TTC28: variants seen among roughly 807,000 people sequenced by gnomAD.
TTC28 encodes the protein tetratricopeptide repeat protein 28.
A neutral mutation model predicts 198.0 loss-of-function variants in TTC28; 61 were observed. The observed-to-expected ratio is 0.31, with a 90% CI of 0.25 to 0.38. The LOEUF (loss-of-function observed/expected upper bound fraction) is 0.38, where lower values mean the gene tolerates loss of function less well. TTC28 is among the 10% of genes least tolerant of loss of function. TTC28 has a pLI of 1.00. For missense variants in TTC28, 2,678 were observed against 3,164.0 expected, an observed-to-expected ratio of 0.85 and a Z score of 3.69; for synonymous variants, 1,171 against 1,297.8, an observed-to-expected ratio of 0.90 and a Z score of 2.10.
intron 2 of TTC28, among the ~76,000 whole-genome samples, chr22:28,511,381 A>G (rs907401604): frequency 2.6e-5 from 4 of 152,220 alleles, no homozygotes; most frequent in African/African-American, 9.7e-5. Context: ...GATCTTTTAC[A>G]AACCTGACAA....
intron 1 of TTC28, among the ~76,000 whole-genome samples, chr22:28,649,980 G>A (rs185412266): frequency 9.9e-5 from 15 of 152,194 alleles, no homozygotes; most frequent in Non-Finnish European, 1.9e-4. Flanking sequence ...TAGGCTTTGT[G>A]AGAGGGGAAC....
intron 2 of TTC28, among the ~76,000 whole-genome samples, chr22:28,391,749 T>A (rs1032773217): frequency 2.6e-5 from 4 of 152,194 alleles, no homozygotes; most frequent in Non-Finnish European, 5.9e-5. Context: ...TCTTCTAAAC[T>A]TTTTTGAAAG....
At chr22:28,039,693 CA>C (rs1278005560) in intron 12 of TTC28, among the ~76,000 whole-genome samples, 1 of 151,974 alleles carries the variant, frequency 6.6e-6, no homozygotes, top group Non-Finnish European at 1.5e-5. Context: ...GAAGGAAGAG[CA>C]AACAAATTCA....
chr22:28,135,647 A>G (rs929312727), intron 6 of TTC28, among the ~76,000 whole-genome samples: 2 of 152,230 alleles, frequency 1.3e-5, no homozygotes, highest in African/African-American at 4.8e-5. Context: ...CAGATTTCAG[A>G]CAGTGGAGAA....
intron 5 of TTC28, among the ~76,000 whole-genome samples, chr22:28,172,865 T>C (rs1922817088): frequency 6.6e-6 from 1 of 152,232 alleles, no homozygotes; most frequent in Non-Finnish European, 1.5e-5. Flanking sequence ...CACTAATAAG[T>C]ATTTTACTTC....
chr22:27,998,985 G>A lies in TTC28; in HGVS notation c.4674C>T (p.Leu1558=), dbSNP rs1193259878. Reference sequence around the variant, plus strand: ...CAGGGTTGCCGTCCATGCTGGGCGTGAGGACCAAGGCCGACAGCTTCCAGG... The same window carrying A: ...CAGGGTTGCCGTCCATGCTGGGCGTAAGGACCAAGGCCGACAGCTTCCAGG... ...HISWKLSALV[L]TPSMDGNPAS... is the part of the protein sequence containing the mutation. The change falls in exon 16 of 23, where the codon CTC becomes CTT. Residue 1558 remains leucine, a synonymous_variant. Coordinates refer to ENST00000397906, the MANE Select transcript of TTC28 (RefSeq NM_001145418.2). The A allele has an allele frequency of 6.4e-7, 1 of 1,550,550 alleles. No homozygotes were observed. Among genetic ancestry groups the A allele is most frequent in the Admixed American group, 2.0e-5 (1 of 50,984 alleles).
intron 5 of TTC28, among the ~76,000 whole-genome samples, chr22:28,180,565 A>G (rs932852542): frequency 9.9e-5 from 15 of 151,964 alleles, no homozygotes; most frequent in Admixed American, 3.3e-4. Flanking sequence ...GAATCCCAAA[A>G]TATGTACATA....
At chr22:28,603,199 G>A (rs1286466263) in intron 2 of TTC28, among the ~76,000 whole-genome samples, 1 of 151,932 alleles carries the variant, frequency 6.6e-6, no homozygotes, top group African/African-American at 2.4e-5. Context: ...GTTCTTAGAA[G>A]CCTTGCTGGA....
intron 12 of TTC28, among the ~76,000 whole-genome samples, chr22:28,063,488 G>A (rs2146746631): frequency 6.6e-6 from 1 of 152,240 alleles, no homozygotes; most frequent in South Asian, 2.1e-4. Flanking sequence ...AGGACCTTGT[G>A]TTCACAAGCT....
chr22:28,172,205 T>C (rs1252916000), intron 5 of TTC28, among the ~76,000 whole-genome samples: 1 of 152,174 alleles, frequency 6.6e-6, no homozygotes, highest in African/African-American at 2.4e-5. Context: ...TGTTCAGAAC[T>C]GCACTGCCCT....
chr22:28,406,158 C>G (rs1240644801), intron 2 of TTC28, among the ~76,000 whole-genome samples: 1 of 152,156 alleles, frequency 6.6e-6, no homozygotes, highest in Non-Finnish European at 1.5e-5. Context: ...CTTCCATTCA[C>G]TGAAATGAAA....
chr22:28,605,084 T>G (rs2050708641), intron 2 of TTC28, among the ~76,000 whole-genome samples: 1 of 152,208 alleles, frequency 6.6e-6, no homozygotes, highest in Non-Finnish European at 1.5e-5. Context: ...ATTGAGCTCC[T>G]ATTTTCTGAA....
chr22:28,163,803 C>G (rs948930801), intron 5 of TTC28, among the ~76,000 whole-genome samples: 1 of 152,192 alleles, frequency 6.6e-6, no homozygotes, highest in African/African-American at 2.4e-5. Context: ...GAGTGCCGGA[C>G]AGTGGGTGCA....
At chr22:28,151,004 A>T (rs536075789) in intron 6 of TTC28, among the ~76,000 whole-genome samples, 1 of 152,312 alleles carries the variant, frequency 6.6e-6, no homozygotes, top group East Asian at 1.9e-4. Flanking sequence ...AAGTGTTATC[A>T]ATGCTCAGAA....
At chr22:28,316,850 T>C (rs1007749835) in intron 2 of TTC28, among the ~76,000 whole-genome samples, 1 of 152,208 alleles carries the variant, frequency 6.6e-6, no homozygotes. Flanking sequence ...CACTGCAGCT[T>C]TGAACCCCTG....
chr22:28,331,000 C>T (rs1452941998), intron 2 of TTC28, among the ~76,000 whole-genome samples: 1 of 152,064 alleles, frequency 6.6e-6, no homozygotes, highest in Non-Finnish European at 1.5e-5. Context: ...TTATATTCAC[C>T]AGCCAATTCT....
chr22:28,660,908 A>G (rs1220668732), intron 1 of TTC28, among the ~76,000 whole-genome samples: 23 of 150,322 alleles, frequency 1.5e-4, no homozygotes, highest in East Asian at 5.8e-4. Context: ...TGAGAAAAGG[A>G]AAAAAAAAAT....
At chr22:28,146,218 C>A (rs1943466278) in intron 6 of TTC28, among the ~76,000 whole-genome samples, 1 of 152,184 alleles carries the variant, frequency 6.6e-6, no homozygotes, top group Non-Finnish European at 1.5e-5. Flanking sequence ...GAAATCAGCA[C>A]TGAAATCCAG....
intron 2 of TTC28, among the ~76,000 whole-genome samples, chr22:28,335,598 C>T (rs1029709517): frequency 4.6e-5 from 7 of 152,120 alleles, no homozygotes; most frequent in Admixed American, 2.6e-4. Flanking sequence ...CTCTTTGAAG[C>T]AATTGTGAAT....
Sources: gnomAD v4.1 joint callset for allele counts (sites outside exome capture counted in the v4.1 genomes callset) on GRCh38, gnomAD v4.1.1 for gene constraint, MANE v1.5 for transcripts, NCBI Gene and HGNC (gene_info 2026-07-23, HGNC 2026-07-21) for gene names.